Variants in RASA3 observed in about 807,000 individuals in gnomAD.
The protein encoded by RASA3 is ras GTPase-activating protein 3.
RASA3 carries 73 observed loss-of-function variants against 110.0 expected under a neutral mutation model. The observed-to-expected ratio is 0.66, with a 90% CI of 0.55 to 0.81. The LOEUF (loss-of-function observed/expected upper bound fraction) is 0.81. RASA3 is among the 30% of genes least tolerant of loss of function. The probability of loss-of-function intolerance (pLI) is 0.00; values close to 1 mark genes in which losing one functional copy is unlikely to be tolerated. For synonymous variants in RASA3, 500 were observed against 451.4 expected (o/e 1.11, Z -1.37); for missense variants, 976 against 1,113.2 (o/e 0.88, Z 1.75).
intron 1 of RASA3, among the ~76,000 whole-genome samples, chr13:114,108,230 C>T (rs1364804559): frequency 1.4e-4 from 16 of 114,688 alleles, no homozygotes; most frequent in African/African-American, 3.1e-4. Flanking sequence ...TGTCACCCCG[C>T]GTCTGTCACC....
rs2139721073 is a variant in RASA3 at position 114,096,671 on chromosome 13, C to T, written c.56-22834G>A. 6.6e-6 allele frequency among the ~76,000 whole-genome samples: 1 copy of T among 152,214 alleles called. No individual in the cohort carries two copies. Among genetic ancestry groups the T allele is most frequent in the African/African-American group, 2.4e-5 (1 of 41,514 alleles). ...CCTTTCCATTCTCTAAATACTGTAG[C>T]ACCACACTGACTAGCGTGCGGGTCT... On this transcript the variant is annotated intron_variant, in intron 1 of 23. Transcript: ENST00000334062. The surrounding 1 kb of genome is among the most constrained non-coding windows in gnomAD (Gnocchi z 5.1).
chr13:114,024,482 G>A, intron 7 of RASA3, 127 bp from the exon 8 acceptor site: 1 of 812,628 alleles, frequency 1.2e-6, no homozygotes, highest in Non-Finnish European at 2.1e-6. Flanking sequence ...CCACAACCAG[G>A]AAGGCGCCAG....
chr13:114,129,043 G>A (rs1009395494), intron 1 of RASA3, among the ~76,000 whole-genome samples: 1 of 152,042 alleles, frequency 6.6e-6, no homozygotes, highest in Admixed American at 6.5e-5. Context: ...TGTGGAAACG[G>A]AAGACATCAC....
chr13:114,054,040 C>T (rs187204491), intron 2 of RASA3, among the ~76,000 whole-genome samples: 1,766 of 152,122 alleles, frequency 0.012, 27 homozygotes, highest in African/African-American at 0.041. Context: ...GCAGGAGAAT[C>T]GCTTGAACCT....
chr13:114,013,024 A>T (rs1566476704), intron 15 of RASA3, 118 bp downstream of exon 15: 2 of 738,910 alleles, frequency 2.7e-6, no homozygotes, highest in Non-Finnish European at 4.4e-6. Flanking sequence ...TTCCTCACAC[A>T]CTCCCCACGC....
chr13:114,027,269 G>A (rs1239922353), intron 7 of RASA3, 120 bp downstream of exon 7: 8 of 892,134 alleles, frequency 9.0e-6, no homozygotes, highest in Admixed American at 5.2e-5. Context: ...GGCGGGGCTC[G>A]CTCCTCTCCG....
intron 15 of RASA3, among the ~76,000 whole-genome samples, chr13:114,012,551 C>T (rs1301224535): frequency 6.7e-6 from 1 of 149,550 alleles, no homozygotes; most frequent in African/African-American, 2.5e-5. Context: ...ATTCCATGCA[C>T]ACTCCCCATG....
Position 114,016,016 on chromosome 13 carries a change from T to C in RASA3, c.1281+181A>G, listed in dbSNP as rs373046701. On this transcript the variant is annotated intron_variant, in intron 13 of 23. Transcript: ENST00000334062. ...GGCACACAGGCCAGGCCAAAGGTGG[T>C]GGCTGAGGCCTCCCAGTAGTGCAGC... Among the ~76,000 whole-genome samples the C allele has an allele frequency of 6.6e-5, 10 of 152,182 alleles. 1 individual carries two copies. The highest frequency in any genetic ancestry group is 2.2e-4 in the African/African-American group (9 of 41,516).
rs1448750320 is a variant in RASA3 at position 114,014,972 on chromosome 13, T to C, written c.1405+237A>G. On this transcript the variant is annotated intron_variant, in intron 14 of 23. Transcript: ENST00000334062. The surrounding 1 kb of genome is among the most constrained non-coding windows in gnomAD (Gnocchi z 4.5). ...GGTGATCTCCAGGGCTGGGGTCCCC[T>C]GGAGACTACTGTGGAGGTGAACTCC... Among the ~76,000 whole-genome samples the C allele has an allele frequency of 6.6e-6, 1 of 151,480 alleles. No individual in the cohort carries two copies. The highest frequency in any genetic ancestry group is 1.5e-5 in the Non-Finnish European group (1 of 67,810).
intron 23 of RASA3, among the ~76,000 whole-genome samples, chr13:113,979,875 ATG>A (rs1161506128): frequency 6.6e-6 from 1 of 150,670 alleles, no homozygotes; most frequent in Non-Finnish European, 1.5e-5. Context: ...ACCTCCTGCC[ATG>A]TGTGTCCACT....
At chr13:114,101,277 C>A (rs555542181) in intron 1 of RASA3, among the ~76,000 whole-genome samples, 3 of 152,184 alleles carry the variant, frequency 2.0e-5, no homozygotes, top group Non-Finnish European at 4.4e-5. Flanking sequence ...GCAAGCAGAC[C>A]CCTGGGCCAT....
rs1566497702 is a variant in RASA3 at position 114,027,836 on chromosome 13, A to C, written c.530+11T>G. The C allele has an allele frequency of 6.2e-7, 1 of 1,612,894 alleles. No individual in the cohort carries two copies. The highest frequency in any genetic ancestry group is 8.5e-7 in the Non-Finnish European group (1 of 1,179,082). On this transcript the variant is annotated intron_variant, in intron 6 of 23. Transcript: ENST00000334062. ...GACCAGAACAGAAACCTGAAGCGTGAGGCAACTTGCCTGAAGGGTCCTGCC... is the reference window on the plus strand; with the variant it reads ...GACCAGAACAGAAACCTGAAGCGTGCGGCAACTTGCCTGAAGGGTCCTGCC...
intron 1 of RASA3, among the ~76,000 whole-genome samples, chr13:114,075,066 C>T (rs758984436): frequency 1.4e-4 from 21 of 152,208 alleles, no homozygotes; most frequent in Non-Finnish European, 2.9e-4. Flanking sequence ...GGCGTCTCCA[C>T]GACGCAGGAT....
At position 114,025,843 on chromosome 13, in the gene RASA3, G is replaced by A. The variant is rs545030036; in HGVS notation, c.604-1488C>T. On this transcript the variant is annotated intron_variant, in intron 7 of 23. Transcript: ENST00000334062. ...AGGTGGCTGTCTGACCACAGCCCGC[G>A]GGGGATGTGCTCCCTCCCCGGGGCT... is the stretch of plus-strand genomic sequence containing the variant. Among the ~76,000 whole-genome samples, 8 of 152,238 alleles carry A rather than the reference G, an allele frequency of 5.3e-5. No individual in the cohort carries two copies. In the East Asian group the frequency reaches 9.6e-4, roughly 18 times the overall value.
intron 2 of RASA3, among the ~76,000 whole-genome samples, chr13:114,067,449 A>T (rs74116463): frequency 1.5e-4 from 23 of 152,340 alleles, no homozygotes; most frequent in African/African-American, 5.5e-4. Flanking sequence ...CCTAATGTCA[A>T]AGTCGGTGTT....
intron 1 of RASA3, among the ~76,000 whole-genome samples, chr13:114,077,333 C>T (rs929318164): frequency 2.0e-5 from 3 of 151,852 alleles, no homozygotes; most frequent in East Asian, 1.9e-4. Context: ...GGCACCAACG[C>T]ACCAGGTTCC....
chr13:114,000,239 G>A (rs1372932000), intron 19 of RASA3, among the ~76,000 whole-genome samples: 1 of 151,856 alleles, frequency 6.6e-6, no homozygotes, highest in African/African-American at 2.4e-5. Context: ...TCATCTCCTT[G>A]GGGATGATGG....
chr13:114,002,833 G>A (rs1449681487), intron 18 of RASA3, among the ~76,000 whole-genome samples: 3 of 152,156 alleles, frequency 2.0e-5, no homozygotes, highest in Admixed American at 6.5e-5. Flanking sequence ...CAGGAGCCAC[G>A]GCTAAGCCGG....
chr13:114,080,186 A>G (rs2079760655), intron 1 of RASA3, among the ~76,000 whole-genome samples: 1 of 152,102 alleles, frequency 6.6e-6, no homozygotes, highest in African/African-American at 2.4e-5. Flanking sequence ...CCAGGGCACC[A>G]TGCTCCTCCC....
Sources: allele counts gnomAD v4.1 joint callset (sites outside exome capture counted in the v4.1 genomes callset), GRCh38; gene constraint gnomAD v4.1.1; non-coding constraint Gnocchi (gnomAD v3.1); transcripts MANE v1.5; gene names NCBI Gene and HGNC (gene_info 2026-07-23, HGNC 2026-07-21).